Variants in PPP1R13L observed in about 807,000 individuals in gnomAD.
PPP1R13L encodes the protein protein phosphatase 1 regulatory subunit 13 like.
PPP1R13L carries 50 observed loss-of-function variants against 80.9 expected under a neutral mutation model. The observed-to-expected ratio is 0.62, with a 90% CI of 0.49 to 0.78. PPP1R13L has a LOEUF of 0.78. Among genes scored for constraint, PPP1R13L ranks in the 30% least tolerant of loss-of-function variants. The probability of loss-of-function intolerance (pLI) is 0.00; values close to 1 mark genes in which losing one functional copy is unlikely to be tolerated. For missense variants in PPP1R13L, 1,200 were observed against 1,205.9 expected (o/e 1.00, Z 0.07); for synonymous variants, 602 against 534.3 (o/e 1.13, Z -1.75).
At chr19:45,400,170 G>C (rs1428173655) in intron 1 of PPP1R13L, among the ~76,000 whole-genome samples, 4 of 151,952 alleles carry the variant, frequency 2.6e-5, no homozygotes, top group Non-Finnish European at 5.9e-5. Flanking sequence ...GGTCCTAGAG[G>C]GAAGCGACTG....
At chr19:45,395,999 GAAGA>G (rs1973081573) in intron 6 of PPP1R13L, 113 bp from the exon 7 acceptor site, 4 of 1,285,148 alleles carry the variant, frequency 3.1e-6, no homozygotes, top group East Asian at 2.5e-5. Context: ...GAGTGAGGGA[GAAGA>G]AAGGGTGAGG....
Position 45,385,744 on chromosome 19 carries a change from G to A in PPP1R13L, c.2082-16C>T, listed in dbSNP as rs1302999146. On this transcript the variant is annotated splice_polypyrimidine_tract_variant and intron_variant, in intron 10 of 12. Coordinates refer to ENST00000360957, the MANE Select transcript of PPP1R13L (RefSeq NM_006663.4). ...CAAGGGTGTCCTAGGCGTGGGGGTG[G>A]GGGGTTGCGGGGAACGATGCGTGAG... 4.7e-5 allele frequency: 75 copies of A among 1,605,962 alleles called. No individual in the cohort carries two copies. Among genetic ancestry groups the A allele is most frequent in the Non-Finnish European group, 6.3e-5 (74 of 1,175,784 alleles).
In PPP1R13L at chr19:45,405,015, T is replaced by C. The variant is rs558151979; in HGVS notation, c.-38A>G. 18 of 985,998 alleles carry C rather than the reference T, an allele frequency of 1.8e-5. No individual in the cohort carries two copies. The South Asian group carries it at 7.5e-4, about 41-fold the overall frequency. 61.1% of individuals were successfully genotyped at this position (985,998 alleles called of 1,614,324 possible). ...GAAACTCACGGATCCGGGCAGATCC[T>C]GGCACCTGGGGGCTTCCTCCAGCTC... On this transcript the variant is annotated 5_prime_UTR_variant, in exon 1 of 13. Transcript: ENST00000360957.
intron 8 of PPP1R13L, among the ~76,000 whole-genome samples, chr19:45,387,854 A>G (rs1472112480): frequency 6.6e-6 from 1 of 152,074 alleles, no homozygotes; most frequent in African/African-American, 2.4e-5. Context: ...CCTGACCTAG[A>G]ATTTCATTTT....
intron 7 of PPP1R13L, among the ~76,000 whole-genome samples, chr19:45,393,897 A>T (rs148189304): frequency 2.0e-3 from 305 of 152,154 alleles, no homozygotes; most frequent in African/African-American, 6.8e-3. Context: ...CTGTCTCAAA[A>T]ATAAATAAAT....
At chr19:45,387,557 T>C (rs1385493359) in intron 8 of PPP1R13L, among the ~76,000 whole-genome samples, 1 of 152,124 alleles carries the variant, frequency 6.6e-6, no homozygotes, top group Non-Finnish European at 1.5e-5. Flanking sequence ...AATTTCTTTT[T>C]TTTGTTGGTT....
intron 7 of PPP1R13L, chr19:45,393,247 T>G (rs1973016255): frequency 6.6e-6 from 1 of 150,992 alleles, no homozygotes; most frequent in African/African-American, 2.4e-5. Context: ...ATTATATATA[T>G]AGTGTATATA....
intron 12 of PPP1R13L, among the ~76,000 whole-genome samples, chr19:45,380,965 A>G (rs756510346): frequency 1.6e-4 from 24 of 150,058 alleles, no homozygotes; most frequent in Non-Finnish European, 3.4e-4. Flanking sequence ...TAATTTTATT[A>G]ATGGATTTTT....
chr19:45,387,552 C>CT lies in PPP1R13L; in HGVS notation c.1816-1373dup, dbSNP rs200073062. 4.1e-3 allele frequency among the ~76,000 whole-genome samples: 618 copies of CT among 151,972 alleles called. 9 individuals carry two copies. The East Asian group carries it at 0.055, about 13-fold the overall frequency. On this transcript the variant is annotated intron_variant, in intron 8 of 12. Coordinates refer to ENST00000360957, the MANE Select transcript of PPP1R13L (RefSeq NM_006663.4). Reference sequence around the variant, plus strand: ...CTTTAATATTTTTCTGTTAGAATTTCTTTTTTTTGTTGGTTTTTTTGAGAC... The same window carrying CT: ...CTTTAATATTTTTCTGTTAGAATTTCTTTTTTTTTGTTGGTTTTTTTGAGAC...
chr19:45,402,070 AGAAGGTGCAG>A, intron 1 of PPP1R13L: 1 of 152,352 alleles, frequency 6.6e-6, no homozygotes, highest in African/African-American at 2.4e-5. Flanking sequence ...CCACCTGGTC[AGAAGGTGCAG>A]GAAGAATTCA....
Position 45,395,833 on chromosome 19 carries a change from G to A in PPP1R13L, c.957C>T (p.Ala319=), listed in dbSNP as rs375782714. Residue 319 remains alanine (A), a synonymous_variant, in exon 7 of 13, where the codon GCC becomes GCT. Coordinates refer to ENST00000360957, the MANE Select transcript of PPP1R13L (RefSeq NM_006663.4). Reference sequence around the variant, plus strand: ...TGCCCGCGTCTGAACGCCGGTCGCTGGCCAGAGGAGAGACCTTGTAATTGC... The same window carrying A: ...TGCCCGCGTCTGAACGCCGGTCGCTAGCCAGAGGAGAGACCTTGTAATTGC... The part of the protein sequence containing the change: ...LPRNYKVSPL[A]SDRRSDAGSY... 655 of 1,597,012 alleles carry A rather than the reference G, an allele frequency of 4.1e-4. 2 individuals carry two copies. The African/African-American group carries it at 7.6e-3, about 19-fold the overall frequency.
chr19:45,405,135 G>A (rs949566305), upstream of PPP1R13L: 7 of 804,060 alleles, frequency 8.7e-6, no homozygotes, highest in Non-Finnish European at 1.1e-5. Flanking sequence ...GGTCCCGGTG[G>A]GGAGGGGGAG....
chr19:45,396,051 G>A lies in PPP1R13L; in HGVS notation c.903+117C>T, dbSNP rs1973082361. 7.5e-7 allele frequency: 1 copy of A among 1,326,506 alleles called. No individual in the cohort carries two copies. Among genetic ancestry groups the A allele is most frequent in the Non-Finnish European group, 1.0e-6 (1 of 971,840 alleles). The allele number at this position is 1,326,506 out of a possible 1,614,324, so 82.2% of individuals were successfully genotyped here. ...CCCAGCACAGTGAAGGGAGAGCGTGGGAACGGGCGCCGAGACCCAGATCGC... is the reference window on the plus strand; with the variant it reads ...CCCAGCACAGTGAAGGGAGAGCGTGAGAACGGGCGCCGAGACCCAGATCGC... On this transcript the variant is annotated intron_variant, in intron 6 of 12. Transcript: ENST00000360957. The surrounding 1 kb of genome is among the most constrained non-coding windows in gnomAD (Gnocchi z 5.3).
In PPP1R13L at chr19:45,396,829, G is replaced by A. The variant is rs372769040; in HGVS notation, c.428C>T (p.Pro143Leu). 10 of 1,484,134 alleles carry A rather than the reference G, an allele frequency of 6.7e-6. No individual in the cohort carries two copies. In the African/African-American group the frequency reaches 1.0e-4, roughly 15 times the overall value. 91.9% of individuals were successfully genotyped at this position (1,484,134 alleles called of 1,614,324 possible). ...GSLDRATSPR[P>L]RAFDGAGSSL... The stretch of plus-strand genomic sequence containing the variant: ...GCTGCCTGCGCCATCGAAGGCGCGG[G>A]GCCGGGGCGAGGTCGCGCGGTCCAG... The change falls in exon 4 of 13, where the codon CCC (proline) becomes CTC (leucine). Residue 143 changes from proline (P) to leucine (L), a missense_variant. This residue lies in a region of PPP1R13L where 764 missense variants were observed against 714.5 expected (regional missense o/e 1.07). Transcript: ENST00000360957. The surrounding 1 kb of genome is among the most constrained non-coding windows in gnomAD (Gnocchi z 5.3).
At position 45,395,554 on chromosome 19, in the gene PPP1R13L, T is replaced by A. The variant is rs1430107950; in HGVS notation, c.1236A>T (p.Pro412=). 1 of 1,469,070 alleles carries A rather than the reference T, an allele frequency of 6.8e-7. No individual in the cohort carries two copies. The highest frequency in any genetic ancestry group is 2.2e-5 in the Admixed American group (1 of 46,292). 91.0% of individuals were successfully genotyped at this position (1,469,070 alleles called of 1,614,324 possible). ...PPPKLQPQPQ[P]QPQPQSQPQP... is the part of the protein sequence containing the mutation. ...GTGGTTGTGATTGTGGCTGGGGCTGTGGTTGTGGTTGGGGCTGCAGCTTAG... is the reference window on the plus strand; with the variant it reads ...GTGGTTGTGATTGTGGCTGGGGCTGAGGTTGTGGTTGGGGCTGCAGCTTAG... Residue 412 remains proline (P), a synonymous_variant, in exon 7 of 13, where the codon CCA becomes CCT. Coordinates refer to ENST00000360957, the MANE Select transcript of PPP1R13L (RefSeq NM_006663.4).
At position 45,381,567 on chromosome 19, in the gene PPP1R13L, T is replaced by C. The variant is rs878969581; in HGVS notation, c.2448+960A>G. On this transcript the variant is annotated intron_variant, in intron 12 of 12. Coordinates refer to ENST00000360957, the MANE Select transcript of PPP1R13L (RefSeq NM_006663.4). ...CAGGGATGATAATAAAAACATTGGA[T>C]TGAGCAGAAACCAATCAAATAACTA... Among the ~76,000 whole-genome samples, 9 of 152,204 alleles carry C rather than the reference T, an allele frequency of 5.9e-5. No individual in the cohort carries two copies. In the East Asian group the frequency reaches 1.5e-3, roughly 26 times the overall value.
At position 45,396,483 on chromosome 19, in the gene PPP1R13L, C is replaced by T. The variant is rs1383199735; in HGVS notation, c.713-47G>A. 4 of 1,611,680 alleles carry T rather than the reference C, an allele frequency of 2.5e-6. No individual in the cohort carries two copies. Among genetic ancestry groups the T allele is most frequent in the African/African-American group, 2.7e-5 (2 of 74,926 alleles). On this transcript the variant is annotated intron_variant, in intron 4 of 12. Transcript: ENST00000360957. The surrounding 1 kb of genome is among the most constrained non-coding windows in gnomAD (Gnocchi z 5.3). ...GGATGAGACGGGAGGGGTGGCGAGC[C>T]CCGGATCCTGCCCGCTTTGACCCCG... is the stretch of plus-strand genomic sequence containing the variant.
chr19:45,389,319 T>C (rs1054645384), intron 8 of PPP1R13L, among the ~76,000 whole-genome samples: 10 of 152,174 alleles, frequency 6.6e-5, no homozygotes, highest in Non-Finnish European at 1.3e-4. Context: ...ACCTGACCCC[T>C]GCTTCTCTGA....
At position 45,398,330 on chromosome 19, in the gene PPP1R13L, G is replaced by A. The variant is rs1568562245; in HGVS notation, c.-12C>T. 1.2e-6 allele frequency: 2 copies of A among 1,613,220 alleles called. No homozygotes were observed. The highest frequency in any genetic ancestry group is 1.3e-5 in the African/African-American group (1 of 74,924). On this transcript the variant is annotated 5_prime_UTR_variant, in exon 2 of 13. Coordinates refer to ENST00000360957, the MANE Select transcript of PPP1R13L (RefSeq NM_006663.4). ...GCCTCGCTGTCCATGGTGCCGGCCG[G>A]AGCGGGCGCCTGCATGGTGGGGAGG... is the stretch of plus-strand genomic sequence containing the variant.
Sources: gnomAD v4.1 joint callset for allele counts (sites outside exome capture counted in the v4.1 genomes callset) on GRCh38, gnomAD v4.1.1 for gene constraint, gnomAD v4.1.1 regional missense constraint, Gnocchi (gnomAD v3.1) non-coding constraint, MANE v1.5 for transcripts, NCBI Gene and HGNC (gene_info 2026-07-23, HGNC 2026-07-21) for gene names.